Variants in ZMYM4 observed in about 807,000 individuals in gnomAD.
The protein encoded by ZMYM4 is zinc finger MYM-type containing 4, also known as zinc finger MYM-type protein 4.
ZMYM4 carries 31 observed loss-of-function variants against 183.2 expected under a neutral mutation model. The ratio of observed to expected loss-of-function variants is 0.17; its 90% CI spans 0.13 to 0.23. ZMYM4 has a LOEUF of 0.23. ZMYM4 is among the 10% of genes least tolerant of loss of function. The pLI is 1.00. For synonymous variants in ZMYM4, 592 were observed against 631.2 expected (o/e 0.94, Z 0.93); for missense variants, 1,273 against 1,840.3 (o/e 0.69, Z 5.64).
At chr1:35,272,064 A>G (rs760769033) in intron 1 of ZMYM4, among the ~76,000 whole-genome samples, 1 of 152,250 alleles carries the variant, frequency 6.6e-6, no homozygotes, top group Non-Finnish European at 1.5e-5. Context: ...CTTAAATGAT[A>G]TAAGTACTTT....
chr1:35,270,524 C>G (rs1030601653), intron 1 of ZMYM4, among the ~76,000 whole-genome samples: 7 of 152,112 alleles, frequency 4.6e-5, no homozygotes, highest in Non-Finnish European at 7.4e-5. Flanking sequence ...TTTGGGAGGC[C>G]GAGGCGGCAG....
chr1:35,413,474 T>C (rs2149042507), intron 26 of ZMYM4, among the ~76,000 whole-genome samples: 1 of 152,334 alleles, frequency 6.6e-6, no homozygotes, highest in South Asian at 2.1e-4. Context: ...TTGAGAGCTG[T>C]AGTTAGAAGG....
At position 35,282,971 on chromosome 1, in the gene ZMYM4, G is replaced by A. The variant is rs140177320; in HGVS notation, c.39+13886G>A. On this transcript the variant is annotated intron_variant, in intron 1 of 29. Coordinates refer to ENST00000314607, the MANE Select transcript of ZMYM4 (RefSeq NM_005095.3). ...TCCTCACCAATACTTGTTGTTTTCT[G>A]TGTGTGTGGTTTTTTTTTTTTTTTT... 7.3e-4 allele frequency among the ~76,000 whole-genome samples: 71 copies of A among 97,276 alleles called. 1 individual carries two copies. The highest frequency in any genetic ancestry group is 2.4e-3 in the African/African-American group (69 of 28,550). 63.8% of individuals were successfully genotyped at this position (97,276 alleles called of 152,430 possible). A position where few individuals can be genotyped will look rare whatever the true frequency, so the allele number is the denominator to read the frequency against.
intron 1 of ZMYM4, 99 bp downstream of exon 1, chr1:35,269,184 C>G: frequency 2.8e-6 from 4 of 1,409,328 alleles, no homozygotes; most frequent in Non-Finnish European, 3.8e-6. Context: ...CGCCGAGGCC[C>G]AGTTAGGACA....
intron 26 of ZMYM4, among the ~76,000 whole-genome samples, chr1:35,411,686 G>T (rs1286035360): frequency 6.6e-6 from 1 of 152,194 alleles, no homozygotes; most frequent in Non-Finnish European, 1.5e-5. Context: ...TTGATTTGGA[G>T]AATATTGCCA....
intron 1 of ZMYM4, chr1:35,292,178 T>G (rs1311449377): frequency 6.6e-6 from 1 of 152,128 alleles, no homozygotes. Context: ...TTTAGTCTTG[T>G]GTTTTTGTTT....
chr1:35,332,629 A>T (rs935222225), intron 2 of ZMYM4, among the ~76,000 whole-genome samples: 1 of 151,978 alleles, frequency 6.6e-6, no homozygotes, highest in Non-Finnish European at 1.5e-5. Flanking sequence ...AGGTCTTCTC[A>T]CTTCTTTTAT....
At chr1:35,344,990 G>A (rs1423248947) in intron 2 of ZMYM4, among the ~76,000 whole-genome samples, 1 of 152,182 alleles carries the variant, frequency 6.6e-6, no homozygotes, top group African/African-American at 2.4e-5. Flanking sequence ...TTCCATGTCA[G>A]TTTTGGTAAT....
chr1:35,325,332 G>A, intron 1 of ZMYM4, 28 bp from the exon 2 acceptor site: 1 of 1,591,086 alleles, frequency 6.3e-7, no homozygotes, highest in Non-Finnish European at 8.6e-7. Flanking sequence ...TGATGGTAAT[G>A]TTACTTTTTC....
intron 5 of ZMYM4, among the ~76,000 whole-genome samples, chr1:35,364,483 G>A (rs892402547): frequency 2.6e-5 from 4 of 151,952 alleles, no homozygotes; most frequent in Non-Finnish European, 5.9e-5. Flanking sequence ...TTCCACACCC[G>A]TCTCCACCTT....
At position 35,345,541 on chromosome 1, in the gene ZMYM4, G is replaced by A. The variant is rs576335665; in HGVS notation, c.86-13384G>A. Among the ~76,000 whole-genome samples the A allele has an allele frequency of 7.3e-5, 11 of 151,524 alleles. No individual in the cohort carries two copies. The East Asian group carries it at 1.8e-3, about 24-fold the overall frequency. Reference sequence around the variant, plus strand: ...GCGATCTCGACTCACTGCCATCTCCGTCTCCCGGGCTCAAGCAATTCTCCG... The same window carrying A: ...GCGATCTCGACTCACTGCCATCTCCATCTCCCGGGCTCAAGCAATTCTCCG... On this transcript the variant is annotated intron_variant, in intron 2 of 29. Transcript: ENST00000314607.
intron 26 of ZMYM4, among the ~76,000 whole-genome samples, chr1:35,411,558 C>CA (rs1639898877): frequency 6.6e-6 from 1 of 152,158 alleles, no homozygotes; most frequent in Non-Finnish European, 1.5e-5. Context: ...TGTGGTTCCT[C>CA]AAAATTCTTT....
At chr1:35,397,924 A>C (rs1210821891) in intron 20 of ZMYM4, among the ~76,000 whole-genome samples, 2 of 152,212 alleles carry the variant, frequency 1.3e-5, no homozygotes, top group African/African-American at 4.8e-5. Context: ...ATTTGGCTCA[A>C]AATAACTGAT....
rs775211352 is a variant in ZMYM4 at position 35,282,980 on chromosome 1, G to GTTTTTTT, written c.39+13925_39+13931dup. On this transcript the variant is annotated intron_variant, in intron 1 of 29. Coordinates refer to ENST00000314607, the MANE Select transcript of ZMYM4 (RefSeq NM_005095.3). The stretch of plus-strand genomic sequence containing the variant: ...ATACTTGTTGTTTTCTGTGTGTGTG[G>GTTTTTTT]TTTTTTTTTTTTTTTTTTTTTTTTT... Among the ~76,000 whole-genome samples, 55 of 26,258 alleles carry GTTTTTTT rather than the reference G, an allele frequency of 2.1e-3. 25 individuals carry two copies. The highest frequency in any genetic ancestry group is 4.2e-3 in the Non-Finnish European group (36 of 8,634). 17.2% of individuals were successfully genotyped at this position (26,258 alleles called of 152,430 possible).
chr1:35,415,721 G>A lies in ZMYM4; in HGVS notation c.4309+7G>A, dbSNP rs1390992269. On this transcript the variant is annotated splice_region_variant and intron_variant, in intron 28 of 29. Transcript: ENST00000314607. ...AAGCAGGAGTCAGAACCAGGTACGG[G>A]ATACTGTTTGTCAGATTTCTCTTTG... is the stretch of plus-strand genomic sequence containing the variant. 1 of 1,608,156 alleles carries A rather than the reference G, an allele frequency of 6.2e-7. No homozygotes were observed. The highest frequency in any genetic ancestry group is 1.7e-5 in the Admixed American group (1 of 59,992).
At chr1:35,283,151 G>A (rs1640275896) in intron 1 of ZMYM4, among the ~76,000 whole-genome samples, 1 of 146,572 alleles carries the variant, frequency 6.8e-6, no homozygotes, top group Admixed American at 6.8e-5. Flanking sequence ...GATTACAGGT[G>A]TGTGCCATCA....
chr1:35,404,796 A>T (rs1045791665), intron 23 of ZMYM4: 9 of 377,474 alleles, frequency 2.4e-5, no homozygotes, highest in Non-Finnish European at 4.3e-5. Context: ...GTTAGTGATT[A>T]TTACAGTGTG....
intron 1 of ZMYM4, among the ~76,000 whole-genome samples, chr1:35,269,638 G>C (rs1639496533): frequency 6.6e-6 from 1 of 152,112 alleles, no homozygotes; most frequent in African/African-American, 2.4e-5. Context: ...TCCTGATTTA[G>C]GAGAAAGATT....
chr1:35,381,444 A>G lies in ZMYM4; in HGVS notation c.1356+11A>G, dbSNP rs148333905. 83 of 1,604,538 alleles carry G rather than the reference A, an allele frequency of 5.2e-5. No homozygotes were observed. In the East Asian group the frequency reaches 1.7e-3, roughly 34 times the overall value. On this transcript the variant is annotated intron_variant, in intron 8 of 29. Transcript: ENST00000314607. ...CAGAAGAATGCTGTTGTAAGTTACC[A>G]TTTTCCTTTATTGGGGCAGGAGTCT...
Sources: gnomAD v4.1 joint callset for allele counts (sites outside exome capture counted in the v4.1 genomes callset) on GRCh38, gnomAD v4.1.1 for gene constraint, MANE v1.5 for transcripts, NCBI Gene and HGNC (gene_info 2026-07-23, HGNC 2026-07-21) for gene names.